The following HMGXB3 variants were observed in gnomAD, a reference collection of about 807,000 sequenced individuals.
The protein encoded by HMGXB3 is HMG-box containing 3, also known as HMG domain-containing protein 3.
HMGXB3 carries 45 observed loss-of-function variants against 121.5 expected under a neutral mutation model. The observed-to-expected ratio is 0.37, with a 90% confidence interval of 0.29 to 0.47. The LOEUF (loss-of-function observed/expected upper bound fraction) is 0.47. HMGXB3 is among the 20% of genes least tolerant of loss of function. The pLI, the probability that HMGXB3 is intolerant of heterozygous loss-of-function variation, is 0.99. For synonymous variants in HMGXB3, 590 were observed against 624.1 expected (o/e 0.95, Z 0.81); for missense variants, 1,376 against 1,602.2 (o/e 0.86, Z 2.41).
At chr5:150,026,455 C>T (rs1009706941) in intron 7 of HMGXB3, among the ~76,000 whole-genome samples, 22 of 152,180 alleles carry the variant, frequency 1.4e-4, no homozygotes, top group East Asian at 1.9e-4. Flanking sequence ...TCTGTGTCTT[C>T]GCAATGACCC....
intron 6 of HMGXB3, chr5:150,021,956 G>C: frequency 2.2e-6 from 1 of 451,478 alleles, no homozygotes; most frequent in African/African-American, 2.0e-5. Context: ...CTTGTTCCTT[G>C]GCGAGAGAGA....
Position 150,024,309 on chromosome 5 carries a change from C to T in HMGXB3, c.1089C>T (p.Ser363=). The change falls in exon 7 of 20, where the codon TCC becomes TCT. Residue 363 remains serine, a synonymous_variant. Transcript: ENST00000502717. The part of the protein sequence containing the change: ...VKVELASGVS[S]KGSVVKRNQQ... ...TGGAATTGGCTTCTGGCGTCTCTTCCAAAGGCTCTGTGGTGAAAAGAAATC... is the reference window on the plus strand; with the variant it reads ...TGGAATTGGCTTCTGGCGTCTCTTCTAAAGGCTCTGTGGTGAAAAGAAATC... 1 of 1,550,494 alleles carries T rather than the reference C, an allele frequency of 6.4e-7. No individual in the cohort carries two copies. Among genetic ancestry groups the T allele is most frequent in the Non-Finnish European group, 8.7e-7 (1 of 1,146,678 alleles).
rs115007607 is a variant in HMGXB3, at chr5:150,027,891, A to C, written c.1734+774A>C. Among the ~76,000 whole-genome samples, 1,151 of 152,282 alleles carry C rather than the reference A, an allele frequency of 7.6e-3. 8 individuals are homozygous for C. The highest frequency in any genetic ancestry group is 0.011 in the Non-Finnish European group (746 of 68,024). On this transcript the variant is annotated intron_variant, in intron 9 of 19. Coordinates refer to ENST00000502717, the MANE Select transcript of HMGXB3 (RefSeq NM_014983.3). ...TTCTTTTACTGAAACATTGATGTATACCTTTACTCTCCCATTCATATTCCA... is the reference window on the plus strand; with the variant it reads ...TTCTTTTACTGAAACATTGATGTATCCCTTTACTCTCCCATTCATATTCCA...
chr5:150,040,506 GC>G (rs1561881314), intron 13 of HMGXB3, among the ~76,000 whole-genome samples: 2 of 151,308 alleles, frequency 1.3e-5, no homozygotes, highest in Non-Finnish European at 2.9e-5. Flanking sequence ...CTCCCAAAGT[GC>G]TGAGACTACA....
chr5:150,023,230 T>C (rs1031448624), intron 6 of HMGXB3, among the ~76,000 whole-genome samples: 23 of 152,136 alleles, frequency 1.5e-4, no homozygotes, highest in Non-Finnish European at 2.5e-4. Flanking sequence ...TGAAATTTAG[T>C]GACATTGGCA....
Position 150,032,481 on chromosome 5 carries a change from C to T in HMGXB3, c.1861C>T (p.Arg621Trp), listed in dbSNP as rs921708374. 17 of 1,551,474 alleles carry T rather than the reference C, an allele frequency of 1.1e-5. No individual in the cohort carries two copies. The highest frequency in any genetic ancestry group is 1.3e-5 in the Non-Finnish European group (15 of 1,146,942). ...LDLGLATSRG[R>W]GKCKNPSCSY... ...TTTGGGCCTGGCTACATCAAGAGGC[C>T]GGGGAAAGTGCAAGAATCCCTCTTG... The change falls in exon 11 of 20, where the codon CGG becomes TGG. Residue 621 changes from arginine to tryptophan, a missense_variant. Physicochemically the swap from Arg to Trp is moderately radical, Grantham distance 101 (BLOSUM62 -3). This residue lies in a region of HMGXB3 where 1,116 missense variants were observed against 1,369.0 expected (regional missense o/e 0.82). Transcript: ENST00000502717.
At chr5:150,047,780 G>A in intron 17 of HMGXB3, 23 bp downstream of exon 17, 1 of 1,551,526 alleles carries the variant, frequency 6.4e-7, no homozygotes, top group Non-Finnish European at 8.7e-7. Context: ...GGCAGTGGTG[G>A]ATATCGGGGC....
At chr5:150,022,817 C>CCT (rs774742087) in intron 6 of HMGXB3, among the ~76,000 whole-genome samples, 1 of 119,934 alleles carries the variant, frequency 8.3e-6, no homozygotes, top group Non-Finnish European at 1.7e-5. Context: ...GTTACTGGCT[C>CCT]TTTTTTTTTT....
rs1268027782 is a variant in HMGXB3 at position 150,032,488 on chromosome 5, A to G, written c.1868A>G (p.Lys623Arg). The change falls in exon 11 of 20, where the codon AAG becomes AGG. Residue 623 changes from lysine (K) to arginine (R), a missense_variant. This residue lies in a region of HMGXB3 where 1,116 missense variants were observed against 1,369.0 expected (regional missense o/e 0.82). Coordinates refer to ENST00000502717, the MANE Select transcript of HMGXB3 (RefSeq NM_014983.3). ...LGLATSRGRG[K>R]CKNPSCSYVY... ...CTGGCTACATCAAGAGGCCGGGGAAAGTGCAAGAATCCCTCTTGTAGCTAT... is the reference window on the plus strand; with the variant it reads ...CTGGCTACATCAAGAGGCCGGGGAAGGTGCAAGAATCCCTCTTGTAGCTAT... 5.8e-6 allele frequency: 9 copies of G among 1,551,652 alleles called. No individual in the cohort carries two copies. The highest frequency in any genetic ancestry group is 4.1e-5 in the African/African-American group (3 of 73,040).
At position 150,024,314 on chromosome 5, in the gene HMGXB3, G is replaced by T; in HGVS notation, c.1094G>T (p.Gly365Val). Residue 365 changes from glycine (G) to valine (V), a missense_variant, in exon 7 of 20, where the codon GGC (glycine) becomes GTC (valine). Physicochemically the swap from Gly to Val is moderately radical, Grantham distance 109 (BLOSUM62 -3). This residue lies in a region of HMGXB3 where 1,116 missense variants were observed against 1,369.0 expected (regional missense o/e 0.82). Coordinates refer to ENST00000502717, the MANE Select transcript of HMGXB3 (RefSeq NM_014983.3). ...VELASGVSSK[G>V]SVVKRNQQPV... is the part of the protein sequence containing the mutation. ...TTGGCTTCTGGCGTCTCTTCCAAAG[G>T]CTCTGTGGTGAAAAGAAATCAGCAA... The T allele has an allele frequency of 6.4e-7, 1 of 1,551,566 alleles. No homozygotes were observed. Among genetic ancestry groups the T allele is most frequent in the Non-Finnish European group, 8.7e-7 (1 of 1,146,960 alleles).
chr5:150,041,004 T>A, intron 14 of HMGXB3, 125 bp downstream of exon 14: 1 of 945,498 alleles, frequency 1.1e-6, no homozygotes, highest in Non-Finnish European at 1.5e-6. Flanking sequence ...GGAGACATTC[T>A]TGACTTCCTA....
chr5:150,029,724 A>G (rs1043197776), intron 9 of HMGXB3, among the ~76,000 whole-genome samples: 3 of 152,220 alleles, frequency 2.0e-5, no homozygotes, highest in Admixed American at 6.5e-5. Context: ...CGGGTCTGCC[A>G]TCTCCCCTGT....
chr5:150,046,891 C>CTTTTT (rs113488618), intron 16 of HMGXB3, among the ~76,000 whole-genome samples: 15 of 143,342 alleles, frequency 1.0e-4, no homozygotes, highest in Admixed American at 9.1e-4. Flanking sequence ...GCCCAGGCAT[C>CTTTTT]TTTTTTTTTT....
rs142114383 is a variant in HMGXB3, at chr5:150,010,405, G to A, written c.607G>A (p.Glu203Lys). 14,080 of 1,551,674 alleles carry A rather than the reference G, an allele frequency of 9.1e-3. 91 individuals carry two copies. The highest frequency in any genetic ancestry group is 0.01 in the Non-Finnish European group (12,017 of 1,146,994). Residue 203 changes from glutamate (E) to lysine (K), a missense_variant, in exon 4 of 20, where the codon GAG becomes AAG. Coordinates refer to ENST00000502717, the MANE Select transcript of HMGXB3 (RefSeq NM_014983.3). ...CCTTACCCAGTCAGGTGCTGTACAGGAGATTGCCACCTCAGAGATCCTCAG... is the reference window on the plus strand; with the variant it reads ...CCTTACCCAGTCAGGTGCTGTACAGAAGATTGCCACCTCAGAGATCCTCAG... ...GALTQSGAVQ[E>K]IATSEILSQD...
chr5:150,037,252 T>A, intron 12 of HMGXB3, 148 bp from the exon 13 acceptor site: 2 of 781,178 alleles, frequency 2.6e-6, no homozygotes, highest in East Asian at 2.7e-5. Flanking sequence ...TAGGGATGAT[T>A]CCACAGATTC....
intron 16 of HMGXB3, 27 bp downstream of exon 16, chr5:150,045,712 G>GT (rs1756739416): frequency 9.2e-6 from 14 of 1,523,024 alleles, no homozygotes; most frequent in Non-Finnish European, 1.2e-5. Context: ...GCTGACTGGG[G>GT]TCAAAAAAGG....
At chr5:150,006,402 G>C in intron 2 of HMGXB3, 71 bp from the exon 3 acceptor site, 2 of 1,354,916 alleles carry the variant, frequency 1.5e-6, no homozygotes, top group Non-Finnish European at 2.0e-6. Context: ...GGGATGGGGA[G>C]TGGGAAGTGG....
chr5:150,002,021 CTG>C (rs774922824), intron 1 of HMGXB3, among the ~76,000 whole-genome samples: 1 of 152,204 alleles, frequency 6.6e-6, no homozygotes, highest in Non-Finnish European at 1.5e-5. Context: ...AAGTTGTAGA[CTG>C]TGTTCTCTTC....
chr5:150,018,720 G>A, intron 6 of HMGXB3, 23 bp downstream of exon 6: 2 of 1,537,722 alleles, frequency 1.3e-6, no homozygotes, highest in South Asian at 1.2e-5. Flanking sequence ...GGCTGTTGCT[G>A]CTTTGGAAGC....
Sources: allele counts gnomAD v4.1 joint callset (sites outside exome capture counted in the v4.1 genomes callset), GRCh38; gene constraint gnomAD v4.1.1; regional missense constraint gnomAD v4.1.1; transcripts MANE v1.5; gene names NCBI Gene and HGNC (gene_info 2026-07-23, HGNC 2026-07-21).